Variants in KPNA7 observed in about 807,000 individuals in gnomAD.
KPNA7 encodes karyopherin subunit alpha 7.
A neutral mutation model predicts 53.7 loss-of-function variants in KPNA7; 54 were observed. The ratio of observed to expected loss-of-function variants is 1.01; its 90% CI spans 0.81 to 1.26. KPNA7 has a LOEUF of 1.26. Among genes scored for constraint, KPNA7 ranks in the 50% most tolerant of loss-of-function variants. The probability of loss-of-function intolerance (pLI) is 0.00; values close to 1 mark genes in which losing one functional copy is unlikely to be tolerated. For missense variants in KPNA7, 640 were observed against 644.5 expected (o/e 0.99, Z 0.07); for synonymous variants, 276 against 259.3 (o/e 1.06, Z -0.62).
chr7:99,172,255 T>G (rs1384757228), downstream of KPNA7, among the ~76,000 whole-genome samples: 1 of 152,206 alleles, frequency 6.6e-6, no homozygotes. Context: ...AAGCATAGAC[T>G]AGAATAAACA....
At chr7:99,185,273 T>C in intron 7 of KPNA7, 111 bp from the exon 8 acceptor site, 1 of 725,498 alleles carries the variant, frequency 1.4e-6, no homozygotes, top group Non-Finnish European at 2.4e-6. Flanking sequence ...AGCCGATGGT[T>C]GTCTGACAGC....
chr7:99,169,261 T>C (rs1387779367), downstream of KPNA7, among the ~76,000 whole-genome samples: 1 of 152,202 alleles, frequency 6.6e-6, no homozygotes, highest in Non-Finnish European at 1.5e-5. Flanking sequence ...GTAAGGACTC[T>C]GGACTTGGGG....
At chr7:99,212,539 C>CCA (rs970986882), upstream of KPNA7, among the ~76,000 whole-genome samples, 2 of 151,942 alleles carry the variant, frequency 1.3e-5, no homozygotes, top group African/African-American at 4.8e-5. Flanking sequence ...CAGGAGTGAG[C>CCA]CACCATGCAT....
At chr7:99,216,568 C>CT (rs386410805) in intron 1 of KPNA7, among the ~76,000 whole-genome samples, 3 of 24,938 alleles carry the variant, frequency 1.2e-4, no homozygotes, top group South Asian at 6.7e-4. Flanking sequence ...CCAACACCCT[C>CT]TTTTTTTTTG....
intron 10 of KPNA7, among the ~76,000 whole-genome samples, chr7:99,176,005 T>C (rs138074802): frequency 5.3e-5 from 8 of 152,090 alleles, no homozygotes; most frequent in Admixed American, 5.2e-4. Flanking sequence ...CTTCCTCATA[T>C]GAAAAATTTC....
intron 8 of KPNA7, 27 bp downstream of exon 8, chr7:99,184,902 G>C (rs780188365): frequency 1.2e-4 from 185 of 1,534,938 alleles, no homozygotes; most frequent in Non-Finnish European, 1.6e-4. Flanking sequence ...GTAGTCCTTT[G>C]CCATGGTTGC....
At position 99,200,213 on chromosome 7, in the gene KPNA7, T is replaced by G. The variant is rs1377902261; in HGVS notation, c.201+2893A>C. On this transcript the variant is annotated intron_variant, in intron 3 of 10. Transcript: ENST00000327442. ...CCATCAGGCCTGGCTAATTTTCGTA[T>G]TTTTCGTAGAGACGCGGTTTCACCA... 2.0e-5 allele frequency among the ~76,000 whole-genome samples: 3 copies of G among 152,148 alleles called. No homozygotes were observed. The East Asian group carries it at 5.8e-4, about 29-fold the overall frequency.
At chr7:99,217,461 A>G (rs1045634712) in intron 1 of KPNA7, among the ~76,000 whole-genome samples, 5 of 152,100 alleles carry the variant, frequency 3.3e-5, no homozygotes, top group Admixed American at 2.0e-4. Context: ...GGAGGGGTTC[A>G]GGGATCCCAG....
In KPNA7 at chr7:99,217,619, C is replaced by CTTTTTTT. The variant is rs10616354; in HGVS notation, c.-23-10137_-23-10131dup. Among the ~76,000 whole-genome samples, 47 of 39,846 alleles carry CTTTTTTT rather than the reference C, an allele frequency of 1.2e-3. 4 individuals carry two copies. Among genetic ancestry groups the CTTTTTTT allele is most frequent in the African/African-American group, 5.0e-3 (46 of 9,134 alleles). 26.1% of individuals were successfully genotyped at this position (39,846 alleles called of 152,430 possible). A position where few individuals can be genotyped will look rare whatever the true frequency, so the allele number is the denominator to read the frequency against. ...CCCAGGAACGGGGACTCCACCTTGC[C>CTTTTTTT]TTTTTTTTTTTTTTTTTTTTTTTTT... On this transcript the variant is annotated intron_variant, in intron 1 of 10. Coordinates refer to the KPNA7 transcript ENST00000681060.
Position 99,207,451 on chromosome 7 carries a change from C to G in KPNA7, c.16G>C (p.Ala6Pro). Residue 6 changes from alanine to proline, a missense_variant, in exon 2 of 11, where the codon GCT becomes CCT. Transcript: ENST00000327442. The stretch of plus-strand genomic sequence containing the variant: ...AATTTTCTCCGCCTCTCTTCTGGAG[C>G]ATCTAAGGTCGGCATATTGACTGGA... MPTLD[A>P]PEERRRKFKY... 6.4e-7 allele frequency: 1 copy of G among 1,551,302 alleles called. No homozygotes were observed. The highest frequency in any genetic ancestry group is 8.7e-7 in the Non-Finnish European group (1 of 1,146,884).
chr7:99,179,860 C>A (rs967266068), intron 9 of KPNA7, among the ~76,000 whole-genome samples: 3 of 152,028 alleles, frequency 2.0e-5, no homozygotes, highest in Non-Finnish European at 1.5e-5. Flanking sequence ...AGGTGTAAGC[C>A]ACCATGCCCA....
At chr7:99,187,798 T>TA (rs1789685105) in intron 7 of KPNA7, among the ~76,000 whole-genome samples, 3 of 2,882 alleles carry the variant, frequency 1.0e-3, no homozygotes, top group Admixed American at 5.3e-3. Flanking sequence ...GCCTTTTTTT[T>TA]TAAAAAAAAA....
rs1790215365 is a variant in KPNA7 at position 99,196,072 on chromosome 7, G to T, written c.284+12C>A. ...TATGAACCTGCAACAGCAGAAGTCT[G>T]TTTGGAGATACCTGGCTGTCTGGGT... On this transcript the variant is annotated intron_variant, in intron 4 of 10. Transcript: ENST00000327442. The T allele has an allele frequency of 1.9e-6, 3 of 1,549,244 alleles. No homozygotes were observed. The highest frequency in any genetic ancestry group is 3.9e-5 in the Admixed American group (2 of 50,978).
the KPNA7 span, among the ~76,000 whole-genome samples, chr7:99,156,279 T>C: frequency 6.6e-6 from 1 of 152,196 alleles, no homozygotes; most frequent in Non-Finnish European, 1.5e-5. Flanking sequence ...AAATTTATGG[T>C]TATAATTTTC....
chr7:99,175,520 T>TATTTATTA (rs891274997), intron 10 of KPNA7, among the ~76,000 whole-genome samples: 2 of 78,832 alleles, frequency 2.5e-5, no homozygotes, highest in African/African-American at 8.4e-5. Context: ...TTTATTTATT[T>TATTTATTA]ATTATTTATT....
chr7:99,146,103 TC>T, the KPNA7 span, among the ~76,000 whole-genome samples: 1 of 152,164 alleles, frequency 6.6e-6, no homozygotes, highest in South Asian at 2.1e-4. Context: ...CGTTAGTATT[TC>T]CCCCCTATTC....
chr7:99,156,865 G>A, the KPNA7 span, among the ~76,000 whole-genome samples: 5 of 151,932 alleles, frequency 3.3e-5, no homozygotes, highest in Non-Finnish European at 7.4e-5. Flanking sequence ...CTTTGTTAAT[G>A]TCTTTCCCTA....
chr7:99,160,011 GTTTT>G, the KPNA7 span, among the ~76,000 whole-genome samples: 2 of 83,212 alleles, frequency 2.4e-5, no homozygotes, highest in African/African-American at 1.0e-4. Flanking sequence ...CTCCTCTGTT[GTTTT>G]TGTTTTTTTT....
At position 99,193,000 on chromosome 7, in the gene KPNA7, G is replaced by T; in HGVS notation, c.636+19C>A. On this transcript the variant is annotated intron_variant, in intron 6 of 10. Coordinates refer to ENST00000327442, the MANE Select transcript of KPNA7 (RefSeq NM_001145715.3). Reference sequence around the variant, plus strand: ...ATTTTAATTTAAAAAAAAAAAAAGAGAAAGAAAAAGACACTTACCGGCAGG... The same window carrying T: ...ATTTTAATTTAAAAAAAAAAAAAGATAAAGAAAAAGACACTTACCGGCAGG... The T allele has an allele frequency of 1.4e-6, 2 of 1,418,118 alleles. No homozygotes were observed. The highest frequency in any genetic ancestry group is 1.9e-6 in the Non-Finnish European group (2 of 1,064,030). The allele number at this position is 1,418,118 out of a possible 1,614,324, so 87.8% of individuals were successfully genotyped here. A position where few individuals can be genotyped will look rare whatever the true frequency, so the allele number is the denominator to read the frequency against.
Sources: gnomAD v4.1 joint callset for allele counts (sites outside exome capture counted in the v4.1 genomes callset) on GRCh38, gnomAD v4.1.1 for gene constraint, MANE v1.5 for transcripts, NCBI Gene and HGNC (gene_info 2026-07-23, HGNC 2026-07-21) for gene names.